The following PLPPR3 variants were observed in gnomAD, a reference collection of about 807,000 sequenced individuals.
PLPPR3 encodes the protein phospholipid phosphatase-related protein type 3.
PLPPR3 carries 14 observed loss-of-function variants against 27.3 expected under a neutral mutation model. The observed-to-expected ratio is 0.51, with a 90% CI of 0.34 to 0.80. The LOEUF (loss-of-function observed/expected upper bound fraction) is 0.80, where lower values mean the gene tolerates loss of function less well. Among genes scored for constraint, PLPPR3 ranks in the 30% least tolerant of loss-of-function variants. The pLI, the probability that PLPPR3 is intolerant of heterozygous loss-of-function variation, is 0.01. For missense variants in PLPPR3, 1,287 were observed against 1,056.9 expected (o/e 1.22, Z -3.02); for synonymous variants, 671 against 508.0 (o/e 1.32, Z -4.32).
At chr19:823,145 A>AAACG (rs1435512306), upstream of PLPPR3, among the ~76,000 whole-genome samples, 4 of 149,962 alleles carry the variant, frequency 2.7e-5, no homozygotes, top group Non-Finnish European at 4.4e-5. Context: ...ACAAACAAAC[A>AAACG]AAGAGTGACT....
chr19:813,202 G>A lies in PLPPR3; in HGVS notation c.1525C>T (p.Pro509Ser). The change falls in exon 8 of 8, where the codon CCC (proline) becomes TCC (serine). Residue 509 changes from proline (P) to serine (S), a missense_variant. Transcript: ENST00000520876. The surrounding 1 kb of genome is among the most constrained non-coding windows in gnomAD (Gnocchi z 4.1). The stretch of plus-strand genomic sequence containing the variant: ...GCGCGCACCCCGGCGCCGCTTTTGG[G>A]GGACAGGCCGGCCCCCGTCTGCGCG... ...EGAQTGAGLS[P>S]KSGAGVRAKW... 6.7e-7 allele frequency: 1 copy of A among 1,503,330 alleles called. No homozygotes were observed. The highest frequency in any genetic ancestry group is 8.8e-7 in the Non-Finnish European group (1 of 1,138,090). The allele number at this position is 1,503,330 out of a possible 1,614,324, so 93.1% of individuals were successfully genotyped here. A position where few individuals can be genotyped will look rare whatever the true frequency, so the allele number is the denominator to read the frequency against.
intron 2 of PLPPR3, 136 bp from the exon 3 acceptor site, chr19:815,987 C>T: frequency 2.4e-6 from 2 of 819,382 alleles, no homozygotes; most frequent in Non-Finnish European, 3.8e-6. Flanking sequence ...CACTCTTTCC[C>T]CCATGAGTTA....
rs2035043570 is a variant in PLPPR3, at chr19:815,792, G to A, written c.135C>T (p.Phe45=). 1.9e-6 allele frequency: 3 copies of A among 1,612,816 alleles called. No individual in the cohort carries two copies. The highest frequency in any genetic ancestry group is 1.7e-4 in the Middle Eastern group (1 of 6,058). ...ACTGGAAGCCCACCTTGGCCGGCTT[G>A]AAGAGGTCGGTCAGCTCCAGGAAGT... The part of the protein sequence containing the change: ...SLYFLELTDL[F]KPAKVGFQCY... The change falls in exon 3 of 8, where the codon TTC becomes TTT. Residue 45 remains phenylalanine (F), a synonymous_variant. Transcript: ENST00000520876.
chr19:818,047 C>A (rs890896894), intron 2 of PLPPR3, among the ~76,000 whole-genome samples: 23 of 152,106 alleles, frequency 1.5e-4, no homozygotes, highest in African/African-American at 5.6e-4. Flanking sequence ...AGCATCAAGC[C>A]CGGGGAGGGT....
rs1235517882 is a variant in PLPPR3, at chr19:814,953, C to T, written c.532G>A (p.Glu178Lys). The change falls in exon 5 of 8, where the codon GAG becomes AAG. Residue 178 changes from glutamate to lysine, a missense_variant. Glu to Lys is a moderately conservative substitution (Grantham distance 56). Coordinates refer to ENST00000520876, the MANE Select transcript of PLPPR3 (RefSeq NM_001270366.2). Reference protein sequence around the residue: ...PNYTLLGTSCEVNPYITQDIC... With the variant: ...PNYTLLGTSCKVNPYITQDIC... Reference sequence around the variant, plus strand: ...TCCTGCGTGATGTAGGGGTTGACCTCGCAGGACGTGCCCAGGAGAGTGTAG... The same window carrying T: ...TCCTGCGTGATGTAGGGGTTGACCTTGCAGGACGTGCCCAGGAGAGTGTAG... The T allele has an allele frequency of 5.0e-6, 8 of 1,612,384 alleles. No homozygotes were observed. In the East Asian group the frequency reaches 8.9e-5, roughly 18 times the overall value.
rs2034963360 is a variant in PLPPR3 at position 813,018 on chromosome 19, C to T, written c.1709G>A (p.Arg570Gln). ...SSASSDSSQY[R>Q]SPSDRDSASI... ...GGCGGAGTCGCGGTCCGACGGCGAC[C>T]GGTACTGCGAGGAGTCGGAGCTGGC... Residue 570 changes from arginine to glutamine, a missense_variant, in exon 8 of 8, where the codon CGG becomes CAG. Coordinates refer to ENST00000520876, the MANE Select transcript of PLPPR3 (RefSeq NM_001270366.2). The surrounding 1 kb of genome is among the most constrained non-coding windows in gnomAD (Gnocchi z 4.1). 1.3e-6 allele frequency: 2 copies of T among 1,518,896 alleles called. No homozygotes were observed. Among genetic ancestry groups the T allele is most frequent in the African/African-American group, 1.4e-5 (1 of 69,506 alleles). The allele number at this position is 1,518,896 out of a possible 1,614,324, so 94.1% of individuals were successfully genotyped here.
chr19:813,266 G>A lies in PLPPR3; in HGVS notation c.1461C>T (p.Arg487=), dbSNP rs1194873934. 1.4e-6 allele frequency: 2 copies of A among 1,472,216 alleles called. No homozygotes were observed. The highest frequency in any genetic ancestry group is 8.9e-7 in the Non-Finnish European group (1 of 1,121,736). The allele number at this position is 1,472,216 out of a possible 1,614,324, so 91.2% of individuals were successfully genotyped here. The part of the protein sequence containing the change: ...GLGPRVILPP[R]AGPPPLVHIP... The stretch of plus-strand genomic sequence containing the variant: ...TGTGCACCAGCGGCGGCGGCCCCGC[G>A]CGCGGTGGGAGGATGACCCGAGGCC... The change falls in exon 8 of 8, where the codon CGC becomes CGT. Residue 487 remains arginine, a synonymous_variant. Coordinates refer to ENST00000520876, the MANE Select transcript of PLPPR3 (RefSeq NM_001270366.2). This position sits in a 1 kb window ranked among gnomAD's most constrained non-coding sequence, Gnocchi z 4.1.
chr19:822,547 G>T (rs530370014), upstream of PLPPR3, among the ~76,000 whole-genome samples: 159 of 152,214 alleles, frequency 1.0e-3, no homozygotes, highest in African/African-American at 3.4e-3. Flanking sequence ...CGCCCCCTCC[G>T]CCGCGCCGGG....
At chr19:821,761 G>T in intron 1 of PLPPR3, 154 bp downstream of exon 1, 1 of 384,918 alleles carries the variant, frequency 2.6e-6, no homozygotes, top group South Asian at 9.5e-5. Context: ...CCCTACACCC[G>T]GGATCGGGGG....
chr19:812,964 G>T lies in PLPPR3; in HGVS notation c.1763C>A (p.Pro588Gln), dbSNP rs1393850899. Residue 588 changes from proline to glutamine, a missense_variant, in exon 8 of 8, where the codon CCG (proline) becomes CAG (glutamine). Coordinates refer to ENST00000520876, the MANE Select transcript of PLPPR3 (RefSeq NM_001270366.2). ...ASIVTIDAHA[P>Q]HHPVVHLSAG... ...CGACAGGTGCACCACGGGGTGGTGC[G>T]GCGCGTGCGCGTCGATGGTCACGAT... 3 of 1,463,660 alleles carry T rather than the reference G, an allele frequency of 2.0e-6. No homozygotes were observed. Among genetic ancestry groups the T allele is most frequent in the South Asian group, 2.5e-5 (2 of 79,512 alleles). The allele number at this position is 1,463,660 out of a possible 1,614,324, so 90.7% of individuals were successfully genotyped here. A position where few individuals can be genotyped will look rare whatever the true frequency, so the allele number is the denominator to read the frequency against.
chr19:814,609 TG>T lies in PLPPR3; in HGVS notation c.658-3del. The T allele has an allele frequency of 6.2e-7, 1 of 1,611,806 alleles. No homozygotes were observed. The highest frequency in any genetic ancestry group is 8.5e-7 in the Non-Finnish European group (1 of 1,179,960). On this transcript the variant is annotated splice_polypyrimidine_tract_variant and splice_region_variant and intron_variant, in intron 6 of 7. Coordinates refer to ENST00000520876, the MANE Select transcript of PLPPR3 (RefSeq NM_001270366.2). ...CGAGATGACCGAGTTGAAGTACATCTGGGGCATGGGGGTTGGGGTCAGGGAG... is the reference window on the plus strand; with the variant it reads ...CGAGATGACCGAGTTGAAGTACATCTGGGCATGGGGGTTGGGGTCAGGGAG...
chr19:819,645 T>C (rs1358542525), intron 2 of PLPPR3, among the ~76,000 whole-genome samples: 10 of 152,132 alleles, frequency 6.6e-5, no homozygotes, highest in Admixed American at 6.6e-4. Flanking sequence ...TATGAAGTGA[T>C]GTGGGCAACT....
chr19:815,274 A>G lies in PLPPR3; in HGVS notation c.315T>C (p.Arg105=), dbSNP rs1243611018. 1 of 1,557,130 alleles carries G rather than the reference A, an allele frequency of 6.4e-7. No homozygotes were observed. Among genetic ancestry groups the G allele is most frequent in the African/African-American group, 1.4e-5 (1 of 73,342 alleles). ...CCTCCGCCCCGGCGGGCCCCCCGGC[A>G]CGGCCCCACAGCCGGGACTGCAGAC... ...LYCLQSRLWG[R]AGGPAGAEGS... The change falls in exon 4 of 8, where the codon CGT becomes CGC. Residue 105 remains arginine, a synonymous_variant. Coordinates refer to ENST00000520876, the MANE Select transcript of PLPPR3 (RefSeq NM_001270366.2).
intron 7 of PLPPR3, among the ~76,000 whole-genome samples, 184 bp downstream of exon 7, chr19:814,224 TCAGACCCTCTGGGCCAGCCCCCCGCC>T (rs1568284252): frequency 1.3e-4 from 1 of 7,512 alleles, no homozygotes; most frequent in African/African-American, 3.7e-4. Context: ...GCCTCCCCCC[TCAGACCCTCTGGGCCAGCCCCCCGCC>T]AGAACCCCTG....
intron 2 of PLPPR3, among the ~76,000 whole-genome samples, chr19:816,637 A>G (rs1345591396): frequency 6.8e-6 from 1 of 147,960 alleles, no homozygotes; most frequent in East Asian, 2.0e-4. Flanking sequence ...CCATTCATTC[A>G]TCTATCCATC....
Position 812,975 on chromosome 19 carries a change from G to T in PLPPR3, c.1752C>A (p.Asp584Glu). The change falls in exon 8 of 8, where the codon GAC becomes GAA. Residue 584 changes from aspartate to glutamate, a missense_variant. Transcript: ENST00000520876. ...CCACGGGGTGGTGCGGCGCGTGCGCGTCGATGGTCACGATGCTGGCGGAGT... is the reference window on the plus strand; with the variant it reads ...CCACGGGGTGGTGCGGCGCGTGCGCTTCGATGGTCACGATGCTGGCGGAGT... Reference protein sequence around the residue: ...DRDSASIVTIDAHAPHHPVVH... With the variant: ...DRDSASIVTIEAHAPHHPVVH... 1 of 1,494,294 alleles carries T rather than the reference G, an allele frequency of 6.7e-7. No individual in the cohort carries two copies. Among genetic ancestry groups the T allele is most frequent in the Non-Finnish European group, 8.9e-7 (1 of 1,128,418 alleles). 92.6% of individuals were successfully genotyped at this position (1,494,294 alleles called of 1,614,324 possible).
chr19:812,541 G>GCGCCCCCCCC lies in PLPPR3; in HGVS notation c.*28_*29insGGGGGGGGCG. ...GCGCGGCCGCCCGCGCCCTCGGCCCGCCCCCCGCCCGCCCCCGGCCCCGCC... is the reference window on the plus strand; with the variant it reads ...GCGCGGCCGCCCGCGCCCTCGGCCCGCGCCCCCCCCCCCCCCGCCCGCCCCCGGCCCCGCC... On this transcript the variant is annotated 3_prime_UTR_variant, in exon 8 of 8. Coordinates refer to ENST00000520876, the MANE Select transcript of PLPPR3 (RefSeq NM_001270366.2). 1 of 617,396 alleles carries GCGCCCCCCCC rather than the reference G, an allele frequency of 1.6e-6. No homozygotes were observed. Among genetic ancestry groups the GCGCCCCCCCC allele is most frequent in the Non-Finnish European group, 2.0e-6 (1 of 496,530 alleles). 38.2% of individuals were successfully genotyped at this position (617,396 alleles called of 1,614,324 possible).
At chr19:819,219 T>C (rs1599262909) in intron 2 of PLPPR3, among the ~76,000 whole-genome samples, 1 of 103,420 alleles carries the variant, frequency 9.7e-6, no homozygotes. Context: ...TCAGGTGATC[T>C]GCCCGTCCCG....
intron 2 of PLPPR3, 99 bp downstream of exon 2, chr19:821,386 C>T (rs904272733): frequency 1.2e-5 from 13 of 1,085,092 alleles, no homozygotes; most frequent in Non-Finnish European, 1.1e-5. Flanking sequence ...AGGCCACTGC[C>T]GGGGCAGCTG....
Sources: gnomAD v4.1 joint callset for allele counts (sites outside exome capture counted in the v4.1 genomes callset) on GRCh38, gnomAD v4.1.1 for gene constraint, Gnocchi (gnomAD v3.1) non-coding constraint, MANE v1.5 for transcripts, NCBI Gene and HGNC (gene_info 2026-07-23, HGNC 2026-07-21) for gene names.